The following WDFY4 variants were observed in gnomAD, a reference collection of about 807,000 sequenced individuals.
WDFY4 encodes the protein WDFY family member 4, also known as WD repeat- and FYVE domain-containing protein 4.
In WDFY4, 169 loss-of-function variants were observed where a neutral mutation model predicts 351.9. That is an observed-to-expected ratio of 0.48 (90% CI 0.42 to 0.55). The LOEUF is 0.55. Ranked by LOEUF, WDFY4 falls within the 20% of genes least tolerant of loss-of-function variation. The pLI is 0.00. For missense variants in WDFY4, 3,803 were observed against 3,935.6 expected, an observed-to-expected ratio of 0.97 and a Z score of 0.90; for synonymous variants, 1,622 against 1,574.6, an observed-to-expected ratio of 1.03 and a Z score of -0.71.
At chr10:48,723,392 C>A in intron 4 of WDFY4, 41 bp from the exon 5 acceptor site, 1 of 1,543,060 alleles carries the variant, frequency 6.5e-7, no homozygotes, top group Non-Finnish European at 8.7e-7. Flanking sequence ...CCTGCTTCTG[C>A]TGCCTTGCTG....
At chr10:48,763,434 A>G (rs1232409042) in intron 13 of WDFY4, among the ~76,000 whole-genome samples, 1 of 152,220 alleles carries the variant, frequency 6.6e-6, no homozygotes, top group Non-Finnish European at 1.5e-5. Flanking sequence ...CCTTAGCTGT[A>G]TTTCATACAA....
intron 39 of WDFY4, among the ~76,000 whole-genome samples, chr10:48,847,171 T>C (rs1904604): frequency 0.57 from 87,285 of 152,024 alleles, 26,700 homozygotes; most frequent in African/African-American, 0.8. Context: ...GCCTCTTTTC[T>C]GGCTCAGAGA....
rs551240270 is a variant in WDFY4, at chr10:48,926,158, C to T, written c.7587-15648C>T. On this transcript the variant is annotated intron_variant, in intron 47 of 61. Transcript: ENST00000325239. Reference sequence around the variant, plus strand: ...TACATTGCTGGCCCCCACTGCCTCCCGGGAGAGGAAGCCATCCTGGAATCC... The same window carrying T: ...TACATTGCTGGCCCCCACTGCCTCCTGGGAGAGGAAGCCATCCTGGAATCC... Among the ~76,000 whole-genome samples the T allele has an allele frequency of 5.9e-5, 9 of 152,322 alleles. No homozygotes were observed. In the East Asian group the frequency reaches 1.4e-3, roughly 23 times the overall value.
chr10:48,850,810 G>C (rs74948066), intron 39 of WDFY4, among the ~76,000 whole-genome samples: 5 of 152,166 alleles, frequency 3.3e-5, no homozygotes, highest in African/African-American at 1.2e-4. Context: ...CTGCTGTCAA[G>C]CTTCTGCACA....
At chr10:48,735,182 A>T (rs934547504) in intron 10 of WDFY4, among the ~76,000 whole-genome samples, 1 of 152,136 alleles carries the variant, frequency 6.6e-6, no homozygotes, top group African/African-American at 2.4e-5. Flanking sequence ...TCAAATCTCC[A>T]TCAAGCCATT....
chr10:48,695,249 T>C (rs1266692326), intron 1 of WDFY4, among the ~76,000 whole-genome samples: 4 of 152,218 alleles, frequency 2.6e-5, no homozygotes, highest in Non-Finnish European at 5.9e-5. Flanking sequence ...GAGTCTTGTT[T>C]TGGGCCTCCC....
intron 47 of WDFY4, among the ~76,000 whole-genome samples, chr10:48,941,395 A>G (rs1840753717): frequency 6.6e-6 from 1 of 152,238 alleles, no homozygotes; most frequent in Non-Finnish European, 1.5e-5. Flanking sequence ...CCCTTAGGCC[A>G]TATCTCATGG....
chr10:48,897,957 C>T (rs1451720643), intron 45 of WDFY4, among the ~76,000 whole-genome samples: 1 of 152,190 alleles, frequency 6.6e-6, no homozygotes. Flanking sequence ...TCTGCCCTGT[C>T]CTGCCCACAG....
intron 47 of WDFY4, among the ~76,000 whole-genome samples, chr10:48,934,876 A>G (rs1472705397): frequency 6.6e-6 from 1 of 152,064 alleles, no homozygotes; most frequent in African/African-American, 2.4e-5. Context: ...GTGATCCCCA[A>G]AGCACCAATG....
chr10:48,728,486 G>C (rs900398703), intron 7 of WDFY4, among the ~76,000 whole-genome samples: 1 of 152,216 alleles, frequency 6.6e-6, no homozygotes, highest in African/African-American at 2.4e-5. Context: ...TGCTGGGCGA[G>C]AATGAGACAC....
At chr10:48,925,354 T>A (rs985519761) in intron 47 of WDFY4, among the ~76,000 whole-genome samples, 1 of 152,096 alleles carries the variant, frequency 6.6e-6, no homozygotes, top group Non-Finnish European at 1.5e-5. Flanking sequence ...ACTGTCATAG[T>A]GGGTCCTGTG....
chr10:48,824,216 T>C (rs1037695056), intron 35 of WDFY4: 109 of 984,730 alleles, frequency 1.1e-4, no homozygotes, highest in Non-Finnish European at 1.3e-4. Context: ...CAGTGTGTGT[T>C]TGACCCTTGC....
In WDFY4 at chr10:48,946,849, T is replaced by C. The variant is rs1218775652; in HGVS notation, c.7868-11T>C. On this transcript the variant is annotated splice_polypyrimidine_tract_variant and intron_variant, in intron 50 of 61. Coordinates refer to ENST00000325239, the MANE Select transcript of WDFY4 (RefSeq NM_001394531.1). The stretch of plus-strand genomic sequence containing the variant: ...AAGGAAGCAGCCCTCAAGCATGTGT[T>C]TTTGTTGCAGGAGACATGACTGTCC... The C allele has an allele frequency of 1.3e-6, 2 of 1,550,286 alleles. No homozygotes were observed. The highest frequency in any genetic ancestry group is 2.4e-5 in the South Asian group (2 of 84,022).
At chr10:48,883,957 T>C (rs970786970) in intron 43 of WDFY4, 3 of 152,236 alleles carry the variant, frequency 2.0e-5, no homozygotes, top group African/African-American at 7.2e-5. Context: ...CAGCTCTGTT[T>C]GACTTGAGGA....
rs1482020446 is a variant in WDFY4, at chr10:48,709,842, C to T, written c.110C>T (p.Ser37Phe). ...CCTGATGTCCCACATGGAGGGCAGT[C>T]CTCCAGCCCCACAGCTCTCTGGGAC... ...VQPDVPHGGQ[S>F]SSPTALWDML... Residue 37 changes from serine (S) to phenylalanine (F), a missense_variant, in exon 2 of 62, where the codon TCC becomes TTC. By Grantham distance (155) the Ser-to-Phe change is radical. Coordinates refer to ENST00000325239, the MANE Select transcript of WDFY4 (RefSeq NM_001394531.1). 1.3e-6 allele frequency: 2 copies of T among 1,551,924 alleles called. No homozygotes were observed. Among genetic ancestry groups the T allele is most frequent in the Admixed American group, 3.9e-5 (2 of 51,016 alleles).
intron 13 of WDFY4, among the ~76,000 whole-genome samples, chr10:48,773,886 C>T (rs2132612029): frequency 6.6e-6 from 1 of 152,280 alleles, no homozygotes; most frequent in Middle Eastern, 3.4e-3. Flanking sequence ...GCAGATTCCA[C>T]CTTTTACTCC....
Position 48,756,751 on chromosome 10 carries a change from G to A in WDFY4, c.2460-3596G>A, listed in dbSNP as rs373296654. Among the ~76,000 whole-genome samples the A allele has an allele frequency of 9.9e-5, 15 of 152,172 alleles. No individual in the cohort carries two copies. The East Asian group carries it at 2.5e-3, about 25-fold the overall frequency. Reference sequence around the variant, plus strand: ...TTTATTAATATGGATCATGTTGACTGATTTTTGAATATTAAACTTGCCTTG... The same window carrying A: ...TTTATTAATATGGATCATGTTGACTAATTTTTGAATATTAAACTTGCCTTG... On this transcript the variant is annotated intron_variant, in intron 12 of 61. Transcript: ENST00000325239.
At chr10:48,886,305 G>A (rs2133348917) in intron 43 of WDFY4, among the ~76,000 whole-genome samples, 1 of 152,180 alleles carries the variant, frequency 6.6e-6, no homozygotes, top group East Asian at 1.9e-4. Flanking sequence ...GTGCTGCTGT[G>A]TGCTACCACT....
chr10:48,735,412 T>G (rs1481900815), intron 10 of WDFY4, among the ~76,000 whole-genome samples: 1 of 152,234 alleles, frequency 6.6e-6, no homozygotes, highest in Non-Finnish European at 1.5e-5. Flanking sequence ...CAGAAAATTG[T>G]CATTGGCTCT....
Sources: allele counts gnomAD v4.1 joint callset (sites outside exome capture counted in the v4.1 genomes callset), GRCh38; gene constraint gnomAD v4.1.1; transcripts MANE v1.5; gene names NCBI Gene and HGNC (gene_info 2026-07-23, HGNC 2026-07-21).